GAA: variants seen among roughly 807,000 people sequenced by gnomAD.
GAA encodes the protein lysosomal alpha-glucosidase.
In GAA, 88 loss-of-function variants were observed where a neutral mutation model predicts 103.9. The ratio of observed to expected loss-of-function variants is 0.85; its 90% CI spans 0.71 to 1.01. GAA has a LOEUF of 1.01. Among genes scored for constraint, GAA ranks in the 50% least tolerant of loss-of-function variants. The probability of loss-of-function intolerance (pLI) is 0.00; values close to 1 mark genes in which losing one functional copy is unlikely to be tolerated. For synonymous variants in GAA, 572 were observed against 563.1 expected, an observed-to-expected ratio of 1.02 and a Z score of -0.22; for missense variants, 1,350 against 1,305.3, an observed-to-expected ratio of 1.03 and a Z score of -0.53.
chr17:80,115,538 C>T (rs758605878), intron 15 of GAA, among the ~76,000 whole-genome samples: 4 of 152,278 alleles, frequency 2.6e-5, no homozygotes, highest in East Asian at 3.9e-4. Flanking sequence ...AAGTAGCTGA[C>T]GTAAACTCTT....
Position 80,108,836 on chromosome 17 carries a change from C to A in GAA, c.1326+8C>A, listed in dbSNP as rs762988038. On this transcript the variant is annotated splice_region_variant and intron_variant, in intron 8 of 19. Transcript: ENST00000302262. ...CGCTACATGATGATCGTGGTGTGTG[C>A]CCCCACACTGTGGGTCTTTGGGAAG... is the stretch of plus-strand genomic sequence containing the variant. The A allele has an allele frequency of 1.6e-5, 25 of 1,582,784 alleles. No individual in the cohort carries two copies. The highest frequency in any genetic ancestry group is 2.1e-5 in the Non-Finnish European group (24 of 1,164,710).
At chr17:80,116,880 C>A in intron 15 of GAA, 88 bp from the exon 16 acceptor site, 1 of 1,478,310 alleles carries the variant, frequency 6.8e-7, no homozygotes, top group Non-Finnish European at 9.4e-7. Flanking sequence ...CAGAATTCAG[C>A]CTCTTCCTGT....
At chr17:80,117,562 G>C (rs2039382665) in intron 16 of GAA, 38 bp from the exon 17 acceptor site, 1 of 1,611,796 alleles carries the variant, frequency 6.2e-7, no homozygotes, top group Admixed American at 1.7e-5. Flanking sequence ...GGGGGCCTCG[G>C]CACGGCCCAG....
intron 1 of GAA, among the ~76,000 whole-genome samples, chr17:80,103,180 T>C (rs932486247): frequency 6.6e-6 from 1 of 152,180 alleles, no homozygotes; most frequent in African/African-American, 2.4e-5. Flanking sequence ...TGTGACCAGC[T>C]CCCAGTACCA....
Position 80,108,682 on chromosome 17 carries a change from G to C in GAA, c.1195-15G>C, listed in dbSNP as rs373840229. On this transcript the variant is annotated splice_polypyrimidine_tract_variant and intron_variant, in intron 7 of 19. Transcript: ENST00000302262. The stretch of plus-strand genomic sequence containing the variant: ...TCCTCAGGCCCCAGCAGACGGTCCC[G>C]TGTTGTGGCTGCAGGACGTCCAGTG... 1.3e-5 allele frequency: 21 copies of C among 1,612,750 alleles called. No individual in the cohort carries two copies. In the South Asian group the frequency reaches 2.1e-4, roughly 16 times the overall value.
Position 80,109,965 on chromosome 17 carries a change from G to A in GAA, c.1347G>A (p.Ser449=), listed in dbSNP as rs756938942. ...CCCAGGATCCTGCCATCAGCAGCTC[G>A]GGCCCTGCCGGGAGCTACAGGCCCT... ...MMIVDPAISS[S]GPAGSYRPYD... The change falls in exon 9 of 20, where the codon TCG becomes TCA. Residue 449 remains serine, a synonymous_variant. Transcript: ENST00000302262. 25 of 1,613,142 alleles carry A rather than the reference G, an allele frequency of 1.5e-5. No individual in the cohort carries two copies. The highest frequency in any genetic ancestry group is 3.3e-5 in the South Asian group (3 of 91,080).
chr17:80,110,595 T>A, intron 9 of GAA, 132 bp from the exon 10 acceptor site: 1 of 711,740 alleles, frequency 1.4e-6, no homozygotes, highest in Non-Finnish European at 2.4e-6. Context: ...AGGGTGCAGG[T>A]CTCTCAGATT....
At chr17:80,118,933 G>A in intron 19 of GAA, 128 bp downstream of exon 19, 1 of 1,176,986 alleles carries the variant, frequency 8.5e-7, no homozygotes, top group South Asian at 1.3e-5. Flanking sequence ...GGGGTCTTTG[G>A]GGAGGAGTGG....
At chr17:80,106,298 C>T (rs1889010693) in intron 3 of GAA, among the ~76,000 whole-genome samples, 1 of 152,232 alleles carries the variant, frequency 6.6e-6, no homozygotes, top group Non-Finnish European at 1.5e-5. Flanking sequence ...GGGACAGACA[C>T]ACAGTGAGGG....
chr17:80,110,117 G>A (rs2039197636), intron 9 of GAA, 62 bp downstream of exon 9: 1 of 1,337,932 alleles, frequency 7.5e-7, no homozygotes, highest in East Asian at 2.3e-5. Flanking sequence ...GGGGGAGCCG[G>A]CAGCTGCTCA....
chr17:80,116,888 T>C, intron 15 of GAA, 80 bp from the exon 16 acceptor site: 1 of 1,531,900 alleles, frequency 6.5e-7, no homozygotes, highest in East Asian at 2.2e-5. Context: ...AGCCTCTTCC[T>C]GTGCCTCCCC....
chr17:80,117,661 T>G lies in GAA; in HGVS notation c.2393T>G (p.Ile798Ser). Residue 798 changes from isoleucine to serine, a missense_variant, in exon 17 of 20, where the codon ATC becomes AGC. By Grantham distance (142) the Ile-to-Ser change is moderately radical. Transcript: ENST00000302262. Reference protein sequence around the residue: ...PPPAAPREPAIHSEGQWVTLP... With the variant: ...PPPAAPREPASHSEGQWVTLP... ...CCTGCAGCTCCCCGTGAGCCAGCCA[T>G]CCACAGCGAGGGGCAGTGGGTGACG... 6.2e-7 allele frequency: 1 copy of G among 1,612,654 alleles called. No homozygotes were observed. Among genetic ancestry groups the G allele is most frequent in the Non-Finnish European group, 8.5e-7 (1 of 1,179,850 alleles).
intron 15 of GAA, among the ~76,000 whole-genome samples, chr17:80,116,468 T>G (rs1234548830): frequency 6.6e-6 from 1 of 152,208 alleles, no homozygotes; most frequent in Non-Finnish European, 1.5e-5. Context: ...CAGAGCTGCG[T>G]CACAGGGCAG....
chr17:80,111,335 C>T (rs961247731), intron 11 of GAA, among the ~76,000 whole-genome samples: 2 of 152,196 alleles, frequency 1.3e-5, no homozygotes, highest in Admixed American at 6.5e-5. Flanking sequence ...CCTACCCACC[C>T]GTGGGGAGAG....
At position 80,109,980 on chromosome 17, in the gene GAA, C is replaced by T; in HGVS notation, c.1362C>T (p.Ser454=). 6.2e-7 allele frequency: 1 copy of T among 1,613,368 alleles called. No individual in the cohort carries two copies. Among genetic ancestry groups the T allele is most frequent in the African/African-American group, 1.3e-5 (1 of 75,078 alleles). The change falls in exon 9 of 20, where the codon AGC becomes AGT. Residue 454 remains serine (S), a synonymous_variant. Coordinates refer to ENST00000302262, the MANE Select transcript of GAA (RefSeq NM_000152.5). ...TCAGCAGCTCGGGCCCTGCCGGGAG[C>T]TACAGGCCCTACGACGAGGGTCTGC... is the stretch of plus-strand genomic sequence containing the variant. ...PAISSSGPAG[S]YRPYDEGLRR...
At chr17:80,112,281 TC>T in intron 12 of GAA, 181 bp downstream of exon 12, 1 of 683,936 alleles carries the variant, frequency 1.5e-6, no homozygotes. Flanking sequence ...GAGCGCTCCT[TC>T]CCACTTCATG....
In GAA at chr17:80,110,726, G is replaced by C. The variant is rs147804176; in HGVS notation, c.1438-1G>C. On this transcript the variant is annotated splice_acceptor_variant, in intron 9 of 19. Transcript: ENST00000302262. LOFTEE classifies it high-confidence loss of function. ...CCCCACTGCAGCCTCTCGTTGTCCAGGTATGGCCCGGGTCCACTGCCTTCC... is the reference window on the plus strand; with the variant it reads ...CCCCACTGCAGCCTCTCGTTGTCCACGTATGGCCCGGGTCCACTGCCTTCC... 5 of 1,613,694 alleles carry C rather than the reference G, an allele frequency of 3.1e-6. No homozygotes were observed. In the African/African-American group the frequency reaches 6.7e-5, roughly 22 times the overall value.
At position 80,113,378 on chromosome 17, in the gene GAA, A is replaced by G. The variant is rs1184901125; in HGVS notation, c.2189+12A>G. The G allele has an allele frequency of 6.4e-7, 1 of 1,554,608 alleles. No homozygotes were observed. The highest frequency in any genetic ancestry group is 8.7e-7 in the Non-Finnish European group (1 of 1,145,730). ...CCCCTCTTCCTGGAGTGAGTGACCT[A>G]GGCAGGGGCGGTGGCCCATGTGTGC... is the stretch of plus-strand genomic sequence containing the variant. On this transcript the variant is annotated intron_variant, in intron 15 of 19. Transcript: ENST00000302262.
chr17:80,113,231 A>ACAGCTTCAGCGAGCCGGCC lies in GAA; in HGVS notation c.2059_2077dup (p.Gln693LeufsTer50), dbSNP rs2143895350. Reference sequence around the variant, plus strand: ...CCTGCCCTGCAGCCCCAGGAGCCGTACAGCTTCAGCGAGCCGGCCCAGCAG... The same window carrying ACAGCTTCAGCGAGCCGGCC: ...CCTGCCCTGCAGCCCCAGGAGCCGTACAGCTTCAGCGAGCCGGCCCAGCTTCAGCGAGCCGGCCCAGCAG... On this transcript the variant is annotated frameshift_variant, in exon 15 of 20. Transcript: ENST00000302262. LOFTEE classifies it high-confidence loss of function. 1 of 1,601,672 alleles carries ACAGCTTCAGCGAGCCGGCC rather than the reference A, an allele frequency of 6.2e-7. No individual in the cohort carries two copies. The highest frequency in any genetic ancestry group is 1.1e-5 in the South Asian group (1 of 88,894).
Sources: gnomAD v4.1 joint callset for allele counts (sites outside exome capture counted in the v4.1 genomes callset) on GRCh38, gnomAD v4.1.1 for gene constraint, MANE v1.5 for transcripts, NCBI Gene and HGNC (gene_info 2026-07-23, HGNC 2026-07-21) for gene names.